Variants in INTS12 observed in about 807,000 individuals in gnomAD.
INTS12 encodes the protein PHD finger protein 22.
INTS12 carries 13 observed loss-of-function variants against 41.6 expected under a neutral mutation model. The ratio of observed to expected loss-of-function variants is 0.31; its 90% CI spans 0.20 to 0.50. The LOEUF is 0.50. Ranked by LOEUF, INTS12 falls within the 20% of genes least tolerant of loss-of-function variation. The probability of loss-of-function intolerance (pLI) is 0.98; values close to 1 mark genes in which losing one functional copy is unlikely to be tolerated. For synonymous variants in INTS12, 199 were observed against 191.4 expected (o/e 1.04, Z -0.33); for missense variants, 432 against 541.6 (o/e 0.80, Z 2.01).
At chr4:105,696,368 G>C (rs1243244318) in intron 3 of INTS12, among the ~76,000 whole-genome samples, 3 of 152,064 alleles carry the variant, frequency 2.0e-5, no homozygotes, top group Admixed American at 6.6e-5. Context: ...CAGGCATATA[G>C]AAAAATATGT....
intron 6 of INTS12, among the ~76,000 whole-genome samples, chr4:105,690,829 T>G (rs1227740262): frequency 6.6e-6 from 1 of 152,182 alleles, no homozygotes; most frequent in Non-Finnish European, 1.5e-5. Flanking sequence ...CTTTTGACAA[T>G]TTCCAATTCT....
At chr4:105,705,404 T>A (rs1732231301) in intron 1 of INTS12, 1 of 152,328 alleles carries the variant, frequency 6.6e-6, no homozygotes. Flanking sequence ...AGTTGTCCAA[T>A]TATTTTATTA....
At chr4:105,683,561 T>C (rs1227647519) in intron 7 of INTS12, among the ~76,000 whole-genome samples, 2 of 152,204 alleles carry the variant, frequency 1.3e-5, no homozygotes, top group African/African-American at 4.8e-5. Context: ...ATGAAATTCC[T>C]TTTTGGGAAT....
At position 105,691,969 on chromosome 4, in the gene INTS12, T is replaced by C; in HGVS notation, c.657+7A>G. ...CTGTTTAAAATAAAGAAAAATATGA[T>C]TCCTACCATTCTTTTCATTTGTCTG... On this transcript the variant is annotated splice_region_variant and intron_variant, in intron 6 of 7. Coordinates refer to ENST00000340139, the MANE Select transcript of INTS12 (RefSeq NM_020395.4). The C allele has an allele frequency of 6.6e-7, 1 of 1,512,610 alleles. No individual in the cohort carries two copies. The highest frequency in any genetic ancestry group is 8.8e-7 in the Non-Finnish European group (1 of 1,130,050). 93.7% of individuals were successfully genotyped at this position (1,512,610 alleles called of 1,614,324 possible). A position where few individuals can be genotyped will look rare whatever the true frequency, so the allele number is the denominator to read the frequency against.
At chr4:105,695,131 G>T (rs2149184406) in intron 4 of INTS12, among the ~76,000 whole-genome samples, 1 of 149,052 alleles carries the variant, frequency 6.7e-6, no homozygotes, top group South Asian at 2.1e-4. Flanking sequence ...GTTTCATCAT[G>T]TTGCCCAGGC....
At chr4:105,685,442 G>A (rs959682624) in intron 7 of INTS12, among the ~76,000 whole-genome samples, 4 of 152,062 alleles carry the variant, frequency 2.6e-5, no homozygotes, top group African/African-American at 9.7e-5. Flanking sequence ...GTTCCTATAT[G>A]ACAAATCAAT....
intron 2 of INTS12, among the ~76,000 whole-genome samples, chr4:105,700,500 C>T (rs954491665): frequency 4.0e-5 from 6 of 150,612 alleles, no homozygotes; most frequent in African/African-American, 1.5e-4. Flanking sequence ...AAGTGATTAG[C>T]TATCATGGTC....
chr4:105,693,234 G>C, intron 5 of INTS12, 65 bp downstream of exon 5: 1 of 1,284,450 alleles, frequency 7.8e-7, no homozygotes, highest in South Asian at 2.1e-5. Flanking sequence ...TGGGGGTTGA[G>C]GAGTGGAAAG....
intron 6 of INTS12, 36 bp downstream of exon 6, chr4:105,691,940 C>T: frequency 1.4e-6 from 2 of 1,443,904 alleles, no homozygotes; most frequent in African/African-American, 1.4e-5. Context: ...AAAACATTGA[C>T]AGACTGTTTA....
At chr4:105,702,673 A>G (rs1732126305) in intron 2 of INTS12, among the ~76,000 whole-genome samples, 2 of 151,996 alleles carry the variant, frequency 1.3e-5, no homozygotes, top group Admixed American at 6.6e-5. Flanking sequence ...TGCCAAGTCA[A>G]TCTTTCTTCT....
intron 2 of INTS12, among the ~76,000 whole-genome samples, chr4:105,701,679 T>A (rs1448647079): frequency 6.6e-6 from 1 of 152,224 alleles, no homozygotes; most frequent in Non-Finnish European, 1.5e-5. Context: ...TTTACTAATC[T>A]TTCTACTGAT....
At chr4:105,694,312 C>G (rs994173350) in intron 4 of INTS12, among the ~76,000 whole-genome samples, 5 of 152,104 alleles carry the variant, frequency 3.3e-5, no homozygotes, top group African/African-American at 9.7e-5. Context: ...TACACACACA[C>G]AGTATGATAA....
chr4:105,702,399 G>T (rs1266427796), intron 2 of INTS12, among the ~76,000 whole-genome samples: 1 of 152,014 alleles, frequency 6.6e-6, no homozygotes, highest in African/African-American at 2.4e-5. Flanking sequence ...GCCTCCCAAA[G>T]TGCTGGGATT....
rs757345049 is a variant in INTS12 at position 105,683,117 on chromosome 4, A to T, written c.1005T>A (p.Gly335=). 8.7e-6 allele frequency: 14 copies of T among 1,613,968 alleles called. No individual in the cohort carries two copies. The African/African-American group carries it at 1.3e-4, about 15-fold the overall frequency. Reference sequence around the variant, plus strand: ...TTCCACCTTTGGATGATGTTGCCAGACCAGTCAAACCCACAGGTTTCTGGT... The same window carrying T: ...TTCCACCTTTGGATGATGTTGCCAGTCCAGTCAAACCCACAGGTTTCTGGT... ...SANQKPVGLT[G]LATSSKGGIG... is the part of the protein sequence containing the mutation. Residue 335 remains glycine (G), a synonymous_variant, in exon 8 of 8, where the codon GGT becomes GGA. Transcript: ENST00000340139.
chr4:105,692,265 T>C (rs1731716820), intron 5 of INTS12, 130 bp from the exon 6 acceptor site: 17 of 797,444 alleles, frequency 2.1e-5, no homozygotes, highest in Non-Finnish European at 3.1e-5. Context: ...AGGCGGATCA[T>C]TTGAAGTCAG....
intron 7 of INTS12, among the ~76,000 whole-genome samples, chr4:105,684,426 C>T (rs1731433681): frequency 6.6e-6 from 1 of 152,024 alleles, no homozygotes. Flanking sequence ...AAAATATATC[C>T]AGTTATAATT....
chr4:105,708,570 C>T, intron 1 of INTS12, 68 bp downstream of exon 1: 8 of 985,422 alleles, frequency 8.1e-6, no homozygotes, highest in Non-Finnish European at 9.6e-6. Flanking sequence ...TACTCTCCCA[C>T]CTCGCTCCTG....
At position 105,707,925 on chromosome 4, in the gene INTS12, A is replaced by G. The variant is rs943431260; in HGVS notation, c.-172+713T>C. 10 of 983,244 alleles carry G rather than the reference A, an allele frequency of 1.0e-5. No individual in the cohort carries two copies. In the South Asian group the frequency reaches 3.8e-4, roughly 37 times the overall value. The allele number at this position is 983,244 out of a possible 1,614,324, so 60.9% of individuals were successfully genotyped here. Reference sequence around the variant, plus strand: ...GATCCATTTTTCACCCTACCTGGCAATCTCAAAAGAAGTCCAAAGTTGATC... The same window carrying G: ...GATCCATTTTTCACCCTACCTGGCAGTCTCAAAAGAAGTCCAAAGTTGATC... On this transcript the variant is annotated intron_variant, in intron 1 of 7. Transcript: ENST00000340139.
chr4:105,699,249 T>G (rs940683637), intron 3 of INTS12, among the ~76,000 whole-genome samples: 2 of 152,192 alleles, frequency 1.3e-5, no homozygotes, highest in Non-Finnish European at 2.9e-5. Flanking sequence ...CTCAGAAAAG[T>G]GCCTGGGACA....
Sources: gnomAD v4.1 joint callset for allele counts (sites outside exome capture counted in the v4.1 genomes callset) on GRCh38, gnomAD v4.1.1 for gene constraint, MANE v1.5 for transcripts, NCBI Gene and HGNC (gene_info 2026-07-23, HGNC 2026-07-21) for gene names.